The following MGAM variants were observed in gnomAD, a reference collection of about 807,000 sequenced individuals.
The protein encoded by MGAM is alpha-1,4-glucosidase.
Under a neutral mutation model 358.8 loss-of-function variants are expected in MGAM, and 253 were observed. The observed-to-expected ratio is 0.71, with a 90% confidence interval of 0.64 to 0.78. The LOEUF is 0.78. Ranked by LOEUF, MGAM falls within the 30% of genes least tolerant of loss-of-function variation. The probability of loss-of-function intolerance (pLI) is 0.00; values close to 1 mark genes in which losing one functional copy is unlikely to be tolerated. For missense variants in MGAM, 3,080 were observed against 3,432.6 expected, an observed-to-expected ratio of 0.90 and a Z score of 2.57; for synonymous variants, 1,105 against 1,227.1, an observed-to-expected ratio of 0.90 and a Z score of 2.08.
Position 142,078,319 on chromosome 7 carries a change from T to C in MGAM, c.5495T>C (p.Val1832Ala). 1 of 1,467,878 alleles carries C rather than the reference T, an allele frequency of 6.8e-7. No individual in the cohort carries two copies. Among genetic ancestry groups the C allele is most frequent in the Non-Finnish European group, 9.2e-7 (1 of 1,085,108 alleles). 90.9% of individuals were successfully genotyped at this position (1,467,878 alleles called of 1,614,324 possible). ...CTTGTGATTTCTGCATTCCTACAGG[T>C]CGCCATTATCACAGACATCAATCTT... Reference protein sequence around the residue: ...PTVTYDSNLKVAIITDINLFL... With the variant: ...PTVTYDSNLKAAIITDINLFL... The change falls in exon 48 of 71, where the codon GTC becomes GCC. Residue 1832 changes from valine to alanine, a missense_variant and splice_region_variant. By Grantham distance (64) the Val-to-Ala change is moderately conservative. This residue lies in a region of MGAM where 932 missense variants were observed against 1,198.2 expected (regional missense o/e 0.78). Coordinates refer to ENST00000475668, the MANE Select transcript of MGAM (RefSeq NM_001365693.1).
Position 142,095,635 on chromosome 7 carries a change from C to T in MGAM, c.7529C>T (p.Thr2510Ile). Reference sequence around the variant, plus strand: ...AGAACTGTCCTGCAGACCAGATACACCCTGTTGCCATATCTGTATACCTTG... The same window carrying T: ...AGAACTGTCCTGCAGACCAGATACATCCTGTTGCCATATCTGTATACCTTG... ...ISRTVLQTRY[T>I]LLPYLYTLMH... Residue 2510 changes from threonine to isoleucine, a missense_variant, in exon 64 of 71, where the codon ACC becomes ATC. Transcript: ENST00000475668. 1 of 1,613,930 alleles carries T rather than the reference C, an allele frequency of 6.2e-7. No homozygotes were observed.
chr7:142,060,375 T>C lies in MGAM; in HGVS notation c.4122+2T>C. 1 of 1,613,944 alleles carries C rather than the reference T, an allele frequency of 6.2e-7. No individual in the cohort carries two copies. The highest frequency in any genetic ancestry group is 1.1e-5 in the South Asian group (1 of 91,072). ...CTAGACTGGGACAGCCAAGTGGAGG[T>C]AAAAGGGTGTTTGTAAATTTGGGTG... On this transcript the variant is annotated splice_donor_variant, in intron 34 of 70. Coordinates refer to ENST00000475668, the MANE Select transcript of MGAM (RefSeq NM_001365693.1). LOFTEE classifies it high-confidence loss of function.
intron 25 of MGAM, 52 bp downstream of exon 25, chr7:142,052,498 T>C: frequency 6.2e-7 from 1 of 1,602,142 alleles, no homozygotes; most frequent in Non-Finnish European, 8.5e-7. Flanking sequence ...ACCTAATCTG[T>C]AGTTTCTTAA....
chr7:142,088,771 A>G (rs185774489), intron 57 of MGAM, among the ~76,000 whole-genome samples: 8 of 129,988 alleles, frequency 6.2e-5, no homozygotes, highest in South Asian at 2.8e-4. Flanking sequence ...CTATCTATCT[A>G]TCTATCTATC....
Position 142,054,883 on chromosome 7 carries a change from C to A in MGAM, c.3289C>A (p.Arg1097Ser). The A allele has an allele frequency of 1.9e-6, 3 of 1,613,858 alleles. No homozygotes were observed. Among genetic ancestry groups the A allele is most frequent in the Non-Finnish European group, 1.7e-6 (2 of 1,179,808 alleles). Residue 1097 changes from arginine to serine, a missense_variant, in exon 27 of 71, where the codon CGC becomes AGC. Coordinates refer to ENST00000475668, the MANE Select transcript of MGAM (RefSeq NM_001365693.1). Reference sequence around the variant, plus strand: ...GAAGAATCCATTTGGGATTGAAATTCGCCGGAAGAGTACAGGCACTATAAT... The same window carrying A: ...GAAGAATCCATTTGGGATTGAAATTAGCCGGAAGAGTACAGGCACTATAAT... ...IKKNPFGIEIRRKSTGTIIWD... is the reference protein window; with the variant it reads ...IKKNPFGIEISRKSTGTIIWD...
At position 142,068,963 on chromosome 7, in the gene MGAM, G is replaced by A. The variant is rs190922074; in HGVS notation, c.5061+260G>A. On this transcript the variant is annotated intron_variant, in intron 43 of 70. Transcript: ENST00000475668. Reference sequence around the variant, plus strand: ...TTTTGTGGGTGTTCTCTTTGTGTTAGTTTTTAATATTTCTTTATATCACTG... The same window carrying A: ...TTTTGTGGGTGTTCTCTTTGTGTTAATTTTTAATATTTCTTTATATCACTG... Among the ~76,000 whole-genome samples, 19 of 146,558 alleles carry A rather than the reference G, an allele frequency of 1.3e-4. 3 individuals are homozygous for A. The highest frequency in any genetic ancestry group is 5.5e-4 in the Admixed American group (8 of 14,580).
chr7:142,019,464 C>A, intron 4 of MGAM, 145 bp downstream of exon 4: 1 of 889,396 alleles, frequency 1.1e-6, no homozygotes, highest in Non-Finnish European at 1.6e-6. Flanking sequence ...TAATCGAGGA[C>A]TAGAATCTAT....
chr7:142,067,941 TATATATATATATATATATATATAA>T (rs1563190784), intron 42 of MGAM, among the ~76,000 whole-genome samples: 20 of 37,462 alleles, frequency 5.3e-4, no homozygotes, highest in African/African-American at 1.4e-3. Flanking sequence ...CTCAAATATA[TATATATATATATATATATATATAA>T]ATATATATAT....
chr7:142,044,288 A>G (rs192761331), intron 21 of MGAM, among the ~76,000 whole-genome samples: 3,330 of 93,670 alleles, frequency 0.036, 668 homozygotes, highest in Middle Eastern at 0.11. Flanking sequence ...CACATACGAC[A>G]TATAATATAT....
At chr7:141,989,985 AG>A (rs1289718911) in intron 2 of MGAM, among the ~76,000 whole-genome samples, 1 of 152,154 alleles carries the variant, frequency 6.6e-6, no homozygotes, top group Non-Finnish European at 1.5e-5. Context: ...AGGAGGAGGA[AG>A]GATGCACACT....
chr7:142,042,078 C>T lies in MGAM; in HGVS notation c.2498+1232C>T, dbSNP rs1192104089. On this transcript the variant is annotated intron_variant, in intron 21 of 70. Transcript: ENST00000475668. ...ATATATACATATAATATATAACATACAATATATAACATATAATATATACAT... is the reference window on the plus strand; with the variant it reads ...ATATATACATATAATATATAACATATAATATATAACATATAATATATACAT... 2.0e-3 allele frequency among the ~76,000 whole-genome samples: 107 copies of T among 52,478 alleles called. 4 individuals carry two copies. The highest frequency in any genetic ancestry group is 7.0e-3 in the African/African-American group (97 of 13,782). The allele number at this position is 52,478 out of a possible 152,430, so 34.4% of individuals were successfully genotyped here. A position where few individuals can be genotyped will look rare whatever the true frequency, so the allele number is the denominator to read the frequency against.
intron 2 of MGAM, among the ~76,000 whole-genome samples, chr7:141,988,056 G>A (rs1186844760): frequency 6.6e-6 from 1 of 152,152 alleles, no homozygotes; most frequent in East Asian, 1.9e-4. Context: ...GGGAGGCCAA[G>A]GTGGGTGGAT....
Position 142,050,793 on chromosome 7 carries a change from A to C in MGAM, c.2734A>C (p.Asn912His). 6.2e-7 allele frequency: 1 copy of C among 1,613,888 alleles called. No homozygotes were observed. Among genetic ancestry groups the C allele is most frequent in the Non-Finnish European group, 8.5e-7 (1 of 1,179,804 alleles). The change falls in exon 24 of 71, where the codon AAT (asparagine) becomes CAT (histidine). Residue 912 changes from asparagine (N) to histidine (H), a missense_variant. Asn to His is a moderately conservative substitution (Grantham distance 68, BLOSUM62 1). Transcript: ENST00000475668. Reference protein sequence around the residue: ...IKILGTEEPSNVTVKHNGVPS... With the variant: ...IKILGTEEPSHVTVKHNGVPS... Reference sequence around the variant, plus strand: ...AATTCTTGGGACGGAGGAACCTAGCAATGTTACAGTGAAACACAATGGTGT... The same window carrying C: ...AATTCTTGGGACGGAGGAACCTAGCCATGTTACAGTGAAACACAATGGTGT...
Position 142,045,745 on chromosome 7 carries a change from AAT to A in MGAM, c.2499-2033_2499-2032del, listed in dbSNP as rs200721700. Among the ~76,000 whole-genome samples the A allele has an allele frequency of 1.2e-4, 3 of 25,444 alleles. 1 individual carries two copies. The South Asian group carries it at 2.7e-3, about 23-fold the overall frequency. 16.7% of individuals were successfully genotyped at this position (25,444 alleles called of 152,430 possible). On this transcript the variant is annotated intron_variant, in intron 21 of 70. Transcript: ENST00000475668. ...ATATACATACAATGTATGAATATAT[AAT>A]ATATATCATATATACATACAATGTA...
rs369031395 is a variant in MGAM at position 142,056,800 on chromosome 7, G to A, written c.3581-30G>A. On this transcript the variant is annotated intron_variant, in intron 29 of 70. Transcript: ENST00000475668. ...GTGATTCGTGACATGGAAGGTGTCC[G>A]TGAGGCTTGGCATTTTTCTTTATTT... 588 of 1,607,976 alleles carry A rather than the reference G, an allele frequency of 3.7e-4. 1 individual carries two copies. The Middle Eastern group carries it at 7.1e-3, about 19-fold the overall frequency.
In MGAM at chr7:142,040,895, C is replaced by A. The variant is rs773659760; in HGVS notation, c.2498+49C>A. On this transcript the variant is annotated intron_variant, in intron 21 of 70. Coordinates refer to ENST00000475668, the MANE Select transcript of MGAM (RefSeq NM_001365693.1). ...TTCAGAATTCATGTCCTTGCTTAAACCCTTTGAATTTCTTTTCGAAACACA... is the reference window on the plus strand; with the variant it reads ...TTCAGAATTCATGTCCTTGCTTAAAACCTTTGAATTTCTTTTCGAAACACA... The A allele has an allele frequency of 2.9e-5, 44 of 1,543,810 alleles. No homozygotes were observed. In the East Asian group the frequency reaches 1.0e-3, roughly 36 times the overall value.
At chr7:142,076,978 G>A (rs1398617549) in intron 47 of MGAM, among the ~76,000 whole-genome samples, 152 bp downstream of exon 47, 2 of 144,960 alleles carry the variant, frequency 1.4e-5, no homozygotes, top group Non-Finnish European at 3.1e-5. Context: ...TGCCTTTTTT[G>A]GGGAAAAAAA....
At chr7:141,991,641 T>C (rs1803954383), upstream of MGAM, among the ~76,000 whole-genome samples, 1 of 152,114 alleles carries the variant, frequency 6.6e-6, no homozygotes, top group Admixed American at 6.5e-5. Context: ...TTCACTATGT[T>C]GGTCAGGCTG....
At chr7:142,022,697 A>G (rs1423756914) in intron 7 of MGAM, among the ~76,000 whole-genome samples, 2 of 152,202 alleles carry the variant, frequency 1.3e-5, no homozygotes, top group African/African-American at 2.4e-5. Context: ...CATGTAATGT[A>G]TCTAGAAGAA....
Sources: gnomAD v4.1 joint callset for allele counts (sites outside exome capture counted in the v4.1 genomes callset) on GRCh38, gnomAD v4.1.1 for gene constraint, gnomAD v4.1.1 regional missense constraint, MANE v1.5 for transcripts, NCBI Gene and HGNC (gene_info 2026-07-23, HGNC 2026-07-21) for gene names.